EXT1: variants seen among roughly 807,000 people sequenced by gnomAD.
EXT1 encodes exostosin-1.
A neutral mutation model predicts 82.5 loss-of-function variants in EXT1; 20 were observed. That is an observed-to-expected ratio of 0.24 (90% CI 0.17 to 0.35). The LOEUF is 0.35. EXT1 is among the 10% of genes least tolerant of loss of function. The pLI, the probability that EXT1 is intolerant of heterozygous loss-of-function variation, is 1.00. For missense variants in EXT1, 757 were observed against 936.5 expected (o/e 0.81, Z 2.50); for synonymous variants, 348 against 350.8 (o/e 0.99, Z 0.09).
intron 1 of EXT1, among the ~76,000 whole-genome samples, chr8:117,907,379 G>C (rs1813562559): frequency 6.6e-6 from 1 of 152,180 alleles, no homozygotes; most frequent in Non-Finnish European, 1.5e-5. Flanking sequence ...ACAAAGGGTT[G>C]GAGAGAACAA....
At chr8:117,858,766 A>AAGGAAGGAAGGAAGGC (rs1289892313) in intron 1 of EXT1, among the ~76,000 whole-genome samples, 9 of 54,672 alleles carry the variant, frequency 1.6e-4, no homozygotes, top group East Asian at 1.3e-3. Flanking sequence ...GGAAGGAAGG[A>AAGGAAGGAAGGAAGGC]AGGCAGGCAG....
At chr8:117,814,651 A>G (rs772121391) in intron 7 of EXT1, among the ~76,000 whole-genome samples, 10 of 152,206 alleles carry the variant, frequency 6.6e-5, no homozygotes, top group Non-Finnish European at 1.2e-4. Flanking sequence ...TGCCAATCAT[A>G]TGCTCATCAC....
chr8:117,835,116 A>G (rs1219555532), intron 3 of EXT1, among the ~76,000 whole-genome samples: 1 of 152,216 alleles, frequency 6.6e-6, no homozygotes, highest in African/African-American at 2.4e-5. Context: ...AAGAATATGA[A>G]ACAGTAGGGT....
chr8:118,065,184 C>A (rs868104011), intron 1 of EXT1, among the ~76,000 whole-genome samples: 4 of 152,222 alleles, frequency 2.6e-5, no homozygotes, highest in African/African-American at 9.6e-5. Context: ...ACCATTCTAA[C>A]TGGTATGAGA....
chr8:117,815,878 C>T lies in EXT1; in HGVS notation c.1632+2557G>A, dbSNP rs1402096515. Among the ~76,000 whole-genome samples, 7 of 149,560 alleles carry T rather than the reference C, an allele frequency of 4.7e-5. No homozygotes were observed. In the South Asian group the frequency reaches 1.1e-3, roughly 22 times the overall value. On this transcript the variant is annotated intron_variant, in intron 7 of 10. Coordinates refer to ENST00000378204, the MANE Select transcript of EXT1 (RefSeq NM_000127.3). ...CCAGGAGGCGGAGATTGCAGTGAGC[C>T]GATATCATGCCATTGCACTCCAGCC...
chr8:118,108,182 A>C (rs1817832781), intron 1 of EXT1, among the ~76,000 whole-genome samples: 1 of 152,218 alleles, frequency 6.6e-6, no homozygotes, highest in African/African-American at 2.4e-5. Context: ...TAGAAACGTA[A>C]TATTTATTTT....
chr8:118,099,628 C>G (rs1420978483), intron 1 of EXT1, among the ~76,000 whole-genome samples: 1 of 152,198 alleles, frequency 6.6e-6, no homozygotes, highest in African/African-American at 2.4e-5. Context: ...TGTGTATGCT[C>G]TTAGGCAAAC....
intron 1 of EXT1, among the ~76,000 whole-genome samples, chr8:117,856,422 ATT>A (rs951647677): frequency 5.3e-4 from 44 of 83,732 alleles, no homozygotes; most frequent in Non-Finnish European, 6.5e-4. Context: ...GCCTGGCTAA[ATT>A]TTTTTTTTTT....
intron 1 of EXT1, among the ~76,000 whole-genome samples, chr8:117,931,229 G>A (rs62522271): frequency 0.033 from 4,962 of 152,112 alleles, 98 homozygotes; most frequent in Non-Finnish European, 0.049. Context: ...CTATGGAGTC[G>A]CCCTGAATTC....
chr8:117,889,402 A>T (rs1373520043), intron 1 of EXT1, among the ~76,000 whole-genome samples: 1 of 152,110 alleles, frequency 6.6e-6, no homozygotes, highest in African/African-American at 2.4e-5. Flanking sequence ...TAGCTCAGGG[A>T]CTCTCTGCTC....
intron 1 of EXT1, among the ~76,000 whole-genome samples, chr8:117,986,409 T>C (rs1485265660): frequency 6.6e-6 from 1 of 151,942 alleles, no homozygotes; most frequent in Non-Finnish European, 1.5e-5. Context: ...AACTGAGGAG[T>C]TGTTCTCAAA....
intron 1 of EXT1, among the ~76,000 whole-genome samples, chr8:117,902,084 C>A (rs1445137187): frequency 1.3e-5 from 2 of 151,506 alleles, no homozygotes; most frequent in Non-Finnish European, 2.9e-5. Context: ...TAGCCTAGAG[C>A]CTACACAGGG....
At position 117,795,091 on chromosome 8, in the gene EXT1, C is replaced by T. The variant is rs1339201555; in HGVS notation, c.*4621G>A. The T allele has an allele frequency of 6.6e-6, 1 of 152,198 alleles. No individual in the cohort carries two copies. Among genetic ancestry groups the T allele is most frequent in the Non-Finnish European group, 1.5e-5 (1 of 68,042 alleles). The allele number at this position is 152,198 out of a possible 1,614,324, so 9.4% of individuals were successfully genotyped here. A position where few individuals can be genotyped will look rare whatever the true frequency, so the allele number is the denominator to read the frequency against. ...CTGAGGCCTAAAAGGCAAATCATTA[C>T]AAAACCAGAGTGACTGAAAGGCTAG... On this transcript the variant is annotated 3_prime_UTR_variant, in exon 11 of 11. Transcript: ENST00000378204.
intron 1 of EXT1, among the ~76,000 whole-genome samples, chr8:118,078,814 A>G (rs187679830): frequency 6.6e-6 from 1 of 151,820 alleles, no homozygotes; most frequent in East Asian, 1.9e-4. Context: ...ATATGCAAAG[A>G]AAAAAAAAGT....
At chr8:117,986,190 T>TTC (rs1554591457) in intron 1 of EXT1, among the ~76,000 whole-genome samples, 5 of 20,174 alleles carry the variant, frequency 2.5e-4, no homozygotes, top group Admixed American at 2.5e-3. Flanking sequence ...TTCTTTTCTT[T>TTC]TTTTTTTTTT....
At chr8:117,958,720 G>A (rs764930625) in intron 1 of EXT1, among the ~76,000 whole-genome samples, 15 of 152,228 alleles carry the variant, frequency 9.9e-5, no homozygotes, top group South Asian at 6.2e-4. Context: ...ACTATGTACC[G>A]AAAGGCACTA....
chr8:117,820,698 G>GAA (rs200227708), intron 5 of EXT1, among the ~76,000 whole-genome samples: 4 of 131,080 alleles, frequency 3.1e-5, no homozygotes, highest in Admixed American at 7.7e-5. Context: ...CTCCGTCTTA[G>GAA]AAAAAAAAAA....
At chr8:118,005,109 G>C (rs1815747056) in intron 1 of EXT1, among the ~76,000 whole-genome samples, 1 of 152,198 alleles carries the variant, frequency 6.6e-6, no homozygotes, top group African/African-American at 2.4e-5. Flanking sequence ...GTCAGGACTT[G>C]AGGTCCAAAG....
At chr8:117,953,252 T>C (rs1814524303) in intron 1 of EXT1, among the ~76,000 whole-genome samples, 1 of 152,182 alleles carries the variant, frequency 6.6e-6, no homozygotes, top group South Asian at 2.1e-4. Context: ...ATATCTGCTA[T>C]AATCTTTCCC....
Sources: allele counts gnomAD v4.1 joint callset (sites outside exome capture counted in the v4.1 genomes callset), GRCh38; gene constraint gnomAD v4.1.1; transcripts MANE v1.5; gene names NCBI Gene and HGNC (gene_info 2026-07-23, HGNC 2026-07-21).